The following CFAP52 variants were observed in gnomAD, a reference collection of about 807,000 sequenced individuals.
The protein encoded by CFAP52 is cilia and flagella associated protein 52.
CFAP52 carries 57 observed loss-of-function variants against 70.5 expected under a neutral mutation model. The ratio of observed to expected loss-of-function variants is 0.81; its 90% CI spans 0.65 to 1.01. The LOEUF (loss-of-function observed/expected upper bound fraction) is 1.01, where lower values mean the gene tolerates loss of function less well. CFAP52 is among the 50% of genes least tolerant of loss of function. The pLI, the probability that CFAP52 is intolerant of heterozygous loss-of-function variation, is 0.00. For synonymous variants in CFAP52, 267 were observed against 292.5 expected, an observed-to-expected ratio of 0.91 and a Z score of 0.89; for missense variants, 785 against 788.5, an observed-to-expected ratio of 1.00 and a Z score of 0.05.
At chr17:9,601,106 T>C (rs1381849462) in intron 6 of CFAP52, among the ~76,000 whole-genome samples, 1 of 152,022 alleles carries the variant, frequency 6.6e-6, no homozygotes, top group Non-Finnish European at 1.5e-5. Flanking sequence ...GTTCATGTCC[T>C]TTGTAGGGAC....
chr17:9,586,361 C>T (rs761392759), intron 2 of CFAP52, among the ~76,000 whole-genome samples: 5 of 151,896 alleles, frequency 3.3e-5, no homozygotes, highest in Admixed American at 1.3e-4. Context: ...GTCAGGAGTT[C>T]GAGACCAGCC....
intron 6 of CFAP52, among the ~76,000 whole-genome samples, chr17:9,601,198 T>C (rs775348504): frequency 1.4e-5 from 2 of 138,020 alleles, no homozygotes; most frequent in Non-Finnish European, 3.0e-5. Context: ...TACTCATAGG[T>C]GGGAATTGAA....
chr17:9,635,550 A>T lies in CFAP52; in HGVS notation c.1466A>T (p.Asp489Val), dbSNP rs1181804999. ...ACCGATGGGACTTGTATCATTTGGG[A>T]CCTTGTGTAGGTACCTGTGATGGGG... Reference protein sequence around the residue: ...ASTDGTCIIWDLVRLRRNQMI... With the variant: ...ASTDGTCIIWVLVRLRRNQMI... The change falls in exon 11 of 14, where the codon GAC becomes GTC. Residue 489 changes from aspartate to valine, a missense_variant. Asp to Val is a radical substitution (Grantham distance 152). Transcript: ENST00000352665. 6.2e-7 allele frequency: 1 copy of T among 1,614,054 alleles called. No homozygotes were observed. Among genetic ancestry groups the T allele is most frequent in the Non-Finnish European group, 8.5e-7 (1 of 1,180,042 alleles).
At chr17:9,637,354 G>A (rs56371689) in intron 11 of CFAP52, among the ~76,000 whole-genome samples, 21,872 of 152,058 alleles carry the variant, frequency 0.14, 1,694 homozygotes, top group East Asian at 0.37. Context: ...AAGCTGTTCC[G>A]TTGTGTAGCA....
rs1236058781 is a variant in CFAP52 at position 9,623,929 on chromosome 17, CA to C, written c.1026-4742del. On this transcript the variant is annotated intron_variant, in intron 8 of 13. Transcript: ENST00000352665. ...ATCTCAGTTTTTATTTATCTGGAAA[CA>C]TTTTTTTAGCCTTTATTTTTGAAGA... Among the ~76,000 whole-genome samples, 6 of 152,120 alleles carry C rather than the reference CA, an allele frequency of 3.9e-5. No homozygotes were observed. In the South Asian group the frequency reaches 6.2e-4, roughly 16 times the overall value.
At chr17:9,586,939 G>C in intron 3 of CFAP52, 105 bp downstream of exon 3, 2 of 1,322,292 alleles carry the variant, frequency 1.5e-6, no homozygotes, top group Non-Finnish European at 2.0e-6. Flanking sequence ...CTTATGTCAC[G>C]GGTTTGTTGT....
intron 3 of CFAP52, among the ~76,000 whole-genome samples, chr17:9,589,706 C>T (rs1276776812): frequency 6.9e-6 from 1 of 145,878 alleles, no homozygotes; most frequent in African/African-American, 2.6e-5. Flanking sequence ...GCACTCCAGC[C>T]TGGGGACAAG....
At chr17:9,637,828 G>A (rs1245282834) in intron 11 of CFAP52, among the ~76,000 whole-genome samples, 3 of 152,204 alleles carry the variant, frequency 2.0e-5, no homozygotes, top group Admixed American at 1.3e-4. Flanking sequence ...GCCCACCTTG[G>A]CCTCCCACAA....
chr17:9,576,658 A>G lies in CFAP52; in HGVS notation c.-38A>G, dbSNP rs778270536. ...ATAACGACCAGAAGACGCTGCAGCC[A>G]CTAGGGAGGAGAGCAAAGTAATCAG... On this transcript the variant is annotated 5_prime_UTR_variant, in exon 1 of 14. Coordinates refer to ENST00000352665, the MANE Select transcript of CFAP52 (RefSeq NM_145054.5). The G allele has an allele frequency of 2.2e-5, 35 of 1,571,614 alleles. No individual in the cohort carries two copies. The South Asian group carries it at 3.0e-4, about 13-fold the overall frequency.
At chr17:9,629,332 T>C (rs1174140446) in intron 9 of CFAP52, among the ~76,000 whole-genome samples, 2 of 152,202 alleles carry the variant, frequency 1.3e-5, no homozygotes, top group African/African-American at 2.4e-5. Flanking sequence ...TATTGTCTTA[T>C]GCTAAATCTA....
intron 1 of CFAP52, among the ~76,000 whole-genome samples, chr17:9,578,624 C>T (rs1217281563): frequency 6.6e-6 from 1 of 152,182 alleles, no homozygotes; most frequent in Non-Finnish European, 1.5e-5. Flanking sequence ...CGGCTCACTG[C>T]AACCTCCACC....
At chr17:9,643,590 T>C (rs1446212902), downstream of CFAP52, 1 of 154,932 alleles carries the variant, frequency 6.5e-6, no homozygotes, top group Non-Finnish European at 1.4e-5. Context: ...GGTCAAGCTA[T>C]ATGGGACTAG....
chr17:9,641,849 T>C lies in CFAP52; in HGVS notation c.1687+14T>C. Reference sequence around the variant, plus strand: ...ACTTTGTCACAGGTTAGTCCTGGGATAGGAAAAAGCCAAGCCTGGCTTATT... The same window carrying C: ...ACTTTGTCACAGGTTAGTCCTGGGACAGGAAAAAGCCAAGCCTGGCTTATT... On this transcript the variant is annotated intron_variant, in intron 13 of 13. Coordinates refer to ENST00000352665, the MANE Select transcript of CFAP52 (RefSeq NM_145054.5). 1.2e-6 allele frequency: 2 copies of C among 1,608,668 alleles called. No homozygotes were observed. Among genetic ancestry groups the C allele is most frequent in the Non-Finnish European group, 1.7e-6 (2 of 1,175,482 alleles).
At position 9,612,366 on chromosome 17, in the gene CFAP52, G is replaced by A; in HGVS notation, c.912G>A (p.Gln304=). The A allele has an allele frequency of 6.2e-7, 1 of 1,614,196 alleles. No homozygotes were observed. The highest frequency in any genetic ancestry group is 1.1e-5 in the South Asian group (1 of 91,086). Residue 304 remains glutamine, a synonymous_variant, in exon 8 of 14, where the codon CAG becomes CAA. Coordinates refer to ENST00000352665, the MANE Select transcript of CFAP52 (RefSeq NM_145054.5). ...TCACACTTCGAGGAGAAGGACACCA[G>A]TTTCTCGTAGGAACAGAAGAATCGC... ...TSITLRGEGH[Q]FLVGTEESHI...
At chr17:9,589,550 T>C (rs953730331) in intron 3 of CFAP52, among the ~76,000 whole-genome samples, 1 of 152,048 alleles carries the variant, frequency 6.6e-6, no homozygotes, top group African/African-American at 2.4e-5. Flanking sequence ...CTAGCCAACA[T>C]GGCGAGACCC....
Position 9,593,432 on chromosome 17 carries a change from A to G in CFAP52, c.408-761A>G, listed in dbSNP as rs554147325. ...CTGTGGCCTAGCAGTCTCTGTTTTA[A>G]TAATTCTTTTGTTTGTGTTTTTGTT... is the stretch of plus-strand genomic sequence containing the variant. On this transcript the variant is annotated intron_variant, in intron 3 of 13. Transcript: ENST00000352665. Among the ~76,000 whole-genome samples the G allele has an allele frequency of 1.5e-4, 23 of 152,254 alleles. No homozygotes were observed. The South Asian group carries it at 4.8e-3, about 32-fold the overall frequency.
Position 9,635,818 on chromosome 17 carries a change from G to A in CFAP52, c.1472+262G>A, listed in dbSNP as rs532843345. Among the ~76,000 whole-genome samples the A allele has an allele frequency of 2.0e-5, 3 of 152,254 alleles. No homozygotes were observed. The South Asian group carries it at 6.2e-4, about 32-fold the overall frequency. On this transcript the variant is annotated intron_variant, in intron 11 of 13. Transcript: ENST00000352665. ...TAGCTTTCTGTGTCCACACAGTGAA[G>A]CATGGTTTAACTTACACGAATTCAA...
chr17:9,638,065 A>G (rs915426462), intron 11 of CFAP52, among the ~76,000 whole-genome samples: 8 of 152,124 alleles, frequency 5.3e-5, no homozygotes, highest in African/African-American at 1.9e-4. Context: ...GTGCTTTCCG[A>G]GGGTTGTGCA....
intron 8 of CFAP52, among the ~76,000 whole-genome samples, chr17:9,623,712 G>A (rs968175362): frequency 4.0e-5 from 6 of 151,800 alleles, no homozygotes; most frequent in African/African-American, 1.5e-4. Flanking sequence ...AAGAGACAGG[G>A]TTTCACTCTG....
Sources: gnomAD v4.1 joint callset for allele counts (sites outside exome capture counted in the v4.1 genomes callset) on GRCh38, gnomAD v4.1.1 for gene constraint, MANE v1.5 for transcripts, NCBI Gene and HGNC (gene_info 2026-07-23, HGNC 2026-07-21) for gene names.